The following UCK2 variants were observed in gnomAD, a reference collection of about 807,000 sequenced individuals.
UCK2 encodes the protein uridine-cytidine kinase 2.
UCK2 carries 6 observed loss-of-function variants against 30.8 expected under a neutral mutation model. That is an observed-to-expected ratio of 0.19 (90% confidence interval 0.11 to 0.38). The LOEUF (loss-of-function observed/expected upper bound fraction) is 0.38, where lower values mean the gene tolerates loss of function less well. UCK2 is among the 10% of genes least tolerant of loss of function. UCK2 has a pLI of 1.00. For synonymous variants in UCK2, 125 were observed against 133.6 expected (o/e 0.94, Z 0.45); for missense variants, 210 against 339.8 (o/e 0.62, Z 3.00).
Position 165,871,108 on chromosome 1 carries a change from G to A in UCK2, c.100-19096G>A, listed in dbSNP as rs371458023. The stretch of plus-strand genomic sequence containing the variant: ...TGGGATTACAGGGGTGAGCCACCTC[G>A]CCTGGCCCCTGTTAGTGTTTAGTAT... On this transcript the variant is annotated intron_variant, in intron 1 of 6. Transcript: ENST00000367879. Among the ~76,000 whole-genome samples the A allele has an allele frequency of 5.9e-5, 9 of 152,234 alleles. No individual in the cohort carries two copies. The East Asian group carries it at 1.4e-3, about 23-fold the overall frequency.
intron 5 of UCK2, 101 bp downstream of exon 5, chr1:165,903,380 C>A: frequency 1.0e-6 from 1 of 963,026 alleles, no homozygotes; most frequent in Non-Finnish European, 1.6e-6. Flanking sequence ...GCCTGAATCT[C>A]ACTCCTCTCT....
At chr1:165,849,900 G>C (rs1352278569) in intron 1 of UCK2, among the ~76,000 whole-genome samples, 1 of 152,158 alleles carries the variant, frequency 6.6e-6, no homozygotes, top group Non-Finnish European at 1.5e-5. Context: ...GTTTTGCTGA[G>C]TAGCTACAGG....
At chr1:165,862,411 GA>G (rs1432785594) in intron 1 of UCK2, among the ~76,000 whole-genome samples, 2 of 152,174 alleles carry the variant, frequency 1.3e-5, no homozygotes, top group Admixed American at 6.5e-5. Context: ...AGAGGCGAAT[GA>G]AGATCATGGG....
intron 1 of UCK2, among the ~76,000 whole-genome samples, chr1:165,874,518 C>CA (rs1009585642): frequency 3.9e-5 from 6 of 152,140 alleles, no homozygotes. Context: ...CAAAGGTCTC[C>CA]ATCCCCTGCG....
chr1:165,874,804 GA>G (rs1655293348), intron 1 of UCK2, among the ~76,000 whole-genome samples: 1 of 152,208 alleles, frequency 6.6e-6, no homozygotes, highest in African/African-American at 2.4e-5. Context: ...GGGCATTCTA[GA>G]AGAGGGTGCT....
intron 4 of UCK2, among the ~76,000 whole-genome samples, chr1:165,902,378 C>T (rs542927996): frequency 6.6e-6 from 1 of 150,988 alleles, no homozygotes; most frequent in Non-Finnish European, 1.5e-5. Context: ...TGCTACTGCA[C>T]TACAACCTGT....
rs1471236408 is a variant in UCK2, at chr1:165,832,927, C to T, written c.99+4995C>T. Among the ~76,000 whole-genome samples, 3 of 152,022 alleles carry T rather than the reference C, an allele frequency of 2.0e-5. No individual in the cohort carries two copies. In the East Asian group the frequency reaches 5.8e-4, roughly 29 times the overall value. Reference sequence around the variant, plus strand: ...AATCTGTACCTGTTTTGAACTTTCTCCACAAGCAGTGGCCTCTTCGTGTAA... The same window carrying T: ...AATCTGTACCTGTTTTGAACTTTCTTCACAAGCAGTGGCCTCTTCGTGTAA... On this transcript the variant is annotated intron_variant, in intron 1 of 6. Coordinates refer to ENST00000367879, the MANE Select transcript of UCK2 (RefSeq NM_012474.5).
At chr1:165,878,117 TCCCCTGTGCTCTG>T (rs1256371339) in intron 1 of UCK2, among the ~76,000 whole-genome samples, 1 of 152,128 alleles carries the variant, frequency 6.6e-6, no homozygotes, top group Admixed American at 6.5e-5. Context: ...CCCTAAAAAA[TCCCCTGTGCTCTG>T]CCCATTCATC....
rs1248540537 is a variant in UCK2, at chr1:165,908,804, G to C, written c.*981G>C. 1 of 152,480 alleles carries C rather than the reference G, an allele frequency of 6.6e-6. No homozygotes were observed. Among genetic ancestry groups the C allele is most frequent in the Non-Finnish European group, 1.5e-5 (1 of 68,106 alleles). 9.4% of individuals were successfully genotyped at this position (152,480 alleles called of 1,614,324 possible). On this transcript the variant is annotated 3_prime_UTR_variant, in exon 7 of 7. Coordinates refer to ENST00000367879, the MANE Select transcript of UCK2 (RefSeq NM_012474.5). ...TTTCCTGTATTGTGGAATATAGAGT[G>C]GACCATTGCAGGCTGGGTGTGGGTG...
At chr1:165,854,190 C>T (rs1316040858) in intron 1 of UCK2, among the ~76,000 whole-genome samples, 1 of 152,168 alleles carries the variant, frequency 6.6e-6, no homozygotes, top group Non-Finnish European at 1.5e-5. Flanking sequence ...CTTCACCAGG[C>T]ACCTCAGAGC....
At chr1:165,863,911 G>A (rs1284644795) in intron 1 of UCK2, among the ~76,000 whole-genome samples, 1 of 152,110 alleles carries the variant, frequency 6.6e-6, no homozygotes, top group African/African-American at 2.4e-5. Context: ...GTTAAATATG[G>A]CAGTCACCTT....
At chr1:165,850,926 A>C (rs960114202) in intron 1 of UCK2, among the ~76,000 whole-genome samples, 4 of 91,414 alleles carry the variant, frequency 4.4e-5, no homozygotes, top group African/African-American at 1.6e-4. Context: ...CTGGCCTTTA[A>C]ATTTTTTTTT....
At chr1:165,864,257 C>T (rs1190810349) in intron 1 of UCK2, among the ~76,000 whole-genome samples, 1 of 152,184 alleles carries the variant, frequency 6.6e-6, no homozygotes, top group African/African-American at 2.4e-5. Context: ...CGGGTCCTGC[C>T]TTATTTTTCA....
At position 165,890,385 on chromosome 1, in the gene UCK2, G is replaced by T. The variant is rs749295940; in HGVS notation, c.259+22G>T. On this transcript the variant is annotated intron_variant, in intron 2 of 6. Transcript: ENST00000367879. ...CCGGGTGAGTCGGGCATTGAAGGGG[G>T]TATGTATCTGTATTGGTGTGTTGGG... 1.4e-5 allele frequency: 23 copies of T among 1,611,132 alleles called. No individual in the cohort carries two copies. The East Asian group carries it at 3.8e-4, about 27-fold the overall frequency.
intron 5 of UCK2, among the ~76,000 whole-genome samples, chr1:165,904,901 G>A (rs1436521071): frequency 6.6e-6 from 1 of 152,166 alleles, no homozygotes; most frequent in African/African-American, 2.4e-5. Flanking sequence ...AAAGAAAAAA[G>A]AAATATGCCT....
intron 1 of UCK2, among the ~76,000 whole-genome samples, chr1:165,871,064 G>T (rs112907874): frequency 6.6e-5 from 10 of 152,048 alleles, no homozygotes; most frequent in Admixed American, 5.9e-4. Flanking sequence ...ATCTGCCAGC[G>T]TTGCCCCTCC....
chr1:165,890,839 T>C (rs1003054857), intron 2 of UCK2: 5 of 257,486 alleles, frequency 1.9e-5, no homozygotes, highest in Non-Finnish European at 3.8e-5. Context: ...GGGTTTCTTA[T>C]AATTGTTAGA....
At chr1:165,880,277 A>G (rs1406032506) in intron 1 of UCK2, among the ~76,000 whole-genome samples, 1 of 152,334 alleles carries the variant, frequency 6.6e-6, no homozygotes, top group African/African-American at 2.4e-5. Flanking sequence ...TAATTTCTGT[A>G]ATAAGCATAT....
intron 1 of UCK2, among the ~76,000 whole-genome samples, chr1:165,858,503 G>A (rs1288508757): frequency 6.6e-6 from 1 of 152,164 alleles, no homozygotes; most frequent in Non-Finnish European, 1.5e-5. Context: ...GATAGGCCTG[G>A]GAACTTGTCC....
Sources: allele counts gnomAD v4.1 joint callset (sites outside exome capture counted in the v4.1 genomes callset), GRCh38; gene constraint gnomAD v4.1.1; transcripts MANE v1.5; gene names NCBI Gene and HGNC (gene_info 2026-07-23, HGNC 2026-07-21).